Variants in WDR7 observed in about 807,000 individuals in gnomAD.
WDR7 encodes the protein WD repeat-containing protein 7.
Under a neutral mutation model 169.4 loss-of-function variants are expected in WDR7, and 46 were observed. That is an observed-to-expected ratio of 0.27 (90% CI 0.21 to 0.35). The LOEUF (loss-of-function observed/expected upper bound fraction) is 0.35. Among genes scored for constraint, WDR7 ranks in the 10% least tolerant of loss-of-function variants. WDR7 has a pLI of 1.00. For missense variants in WDR7, 1,534 were observed against 1,859.3 expected (o/e 0.83, Z 3.22); for synonymous variants, 612 against 666.8 (o/e 0.92, Z 1.27).
chr18:56,745,054 G>A (rs574878241), intron 14 of WDR7, among the ~76,000 whole-genome samples: 1 of 152,294 alleles, frequency 6.6e-6, no homozygotes, highest in South Asian at 2.1e-4. Flanking sequence ...TGATAAGAAT[G>A]CAGTGCCATC....
At chr18:56,955,842 T>C (rs2047243318) in intron 25 of WDR7, among the ~76,000 whole-genome samples, 1 of 152,170 alleles carries the variant, frequency 6.6e-6, no homozygotes, top group Admixed American at 6.6e-5. Context: ...CACTGAGACA[T>C]AGACAAGTTA....
At position 56,718,153 on chromosome 18, in the gene WDR7, G is replaced by A. The variant is rs766634252; in HGVS notation, c.1768G>A (p.Asp590Asn). Residue 590 changes from aspartate (D) to asparagine (N), a missense_variant, in exon 13 of 28, where the codon GAT (aspartate) becomes AAT (asparagine). Transcript: ENST00000254442. The stretch of plus-strand genomic sequence containing the variant: ...TGGTTCTGTGTACGTCTGGCAAATG[G>A]ATACTGGTAAGAACAAGTATGAAGA... ...SDGSVYVWQM[D>N]TGALDRCVMG... 3 of 1,609,164 alleles carry A rather than the reference G, an allele frequency of 1.9e-6. No homozygotes were observed. Among genetic ancestry groups the A allele is most frequent in the Non-Finnish European group, 1.7e-6 (2 of 1,177,748 alleles).
At chr18:56,940,327 C>T (rs1180867031) in intron 25 of WDR7, among the ~76,000 whole-genome samples, 2 of 152,144 alleles carry the variant, frequency 1.3e-5, no homozygotes, top group Non-Finnish European at 1.5e-5. Flanking sequence ...TATTTCAGCA[C>T]GTGATTGTAC....
chr18:56,915,252 G>T (rs2046609455), intron 21 of WDR7, among the ~76,000 whole-genome samples: 1 of 152,142 alleles, frequency 6.6e-6, no homozygotes, highest in Non-Finnish European at 1.5e-5. Flanking sequence ...TCAAGGATGT[G>T]TATAAAGCAA....
chr18:56,782,211 A>T (rs1445383083), intron 19 of WDR7: 1 of 152,214 alleles, frequency 6.6e-6, no homozygotes, highest in Admixed American at 6.5e-5. Context: ...TTTGCAAAAT[A>T]AAAGCTTTAT....
intron 20 of WDR7, among the ~76,000 whole-genome samples, chr18:56,851,826 G>A (rs2045644821): frequency 6.6e-6 from 1 of 152,150 alleles, no homozygotes; most frequent in Non-Finnish European, 1.5e-5. Flanking sequence ...TTATATAGGT[G>A]CCTTCCCCCA....
chr18:56,796,476 TC>T (rs2044587527), intron 19 of WDR7, among the ~76,000 whole-genome samples: 2 of 152,224 alleles, frequency 1.3e-5, no homozygotes, highest in African/African-American at 4.8e-5. Flanking sequence ...TTTAGAAAAC[TC>T]TACAAAGCCT....
chr18:56,830,716 C>CT (rs1331817427), intron 20 of WDR7, among the ~76,000 whole-genome samples: 3 of 151,994 alleles, frequency 2.0e-5, no homozygotes, highest in Admixed American at 6.6e-5. Flanking sequence ...TCCCAGCACA[C>CT]TTTTTTTTGA....
chr18:56,744,271 A>C (rs1271752873), intron 14 of WDR7, among the ~76,000 whole-genome samples: 18 of 122,966 alleles, frequency 1.5e-4, no homozygotes, highest in African/African-American at 5.2e-4. Flanking sequence ...AAAAAAAAAG[A>C]AAGAGCACAG....
chr18:56,977,079 G>A (rs1334798558), intron 26 of WDR7, among the ~76,000 whole-genome samples: 1 of 152,142 alleles, frequency 6.6e-6, no homozygotes, highest in African/African-American at 2.4e-5. Flanking sequence ...CTGTAAAATA[G>A]GAATAATTTT....
intron 26 of WDR7, among the ~76,000 whole-genome samples, chr18:56,976,602 T>G (rs1179274789): frequency 6.6e-6 from 1 of 152,208 alleles, no homozygotes; most frequent in African/African-American, 2.4e-5. Context: ...CATCTCAGCC[T>G]CTTTGGCAGG....
chr18:56,733,225 T>C (rs781111108), intron 14 of WDR7, among the ~76,000 whole-genome samples: 1 of 152,154 alleles, frequency 6.6e-6, no homozygotes, highest in Non-Finnish European at 1.5e-5. Flanking sequence ...AAAACAATTA[T>C]AGAAGGGAGG....
chr18:56,921,984 G>A (rs902525298), intron 21 of WDR7, among the ~76,000 whole-genome samples: 3 of 152,050 alleles, frequency 2.0e-5, no homozygotes, highest in African/African-American at 7.2e-5. Context: ...TTGTACTTAG[G>A]AAACTTTACC....
In WDR7 at chr18:56,756,979, A is replaced by G. The variant is rs765101483; in HGVS notation, c.2386A>G (p.Thr796Ala). ...KPLTLLEYNL[T>A]MDTAKLFMSC... is the part of the protein sequence containing the mutation. The stretch of plus-strand genomic sequence containing the variant: ...ATTGACCCTATTAGAATATAATTTA[A>G]CTATGGACACTGCAAAGCTGTTTAT... Residue 796 changes from threonine to alanine, a missense_variant, in exon 15 of 28, where the codon ACT (threonine) becomes GCT (alanine). Coordinates refer to ENST00000254442, the MANE Select transcript of WDR7 (RefSeq NM_015285.3). 1 of 1,614,128 alleles carries G rather than the reference A, an allele frequency of 6.2e-7. No homozygotes were observed. The highest frequency in any genetic ancestry group is 8.5e-7 in the Non-Finnish European group (1 of 1,180,014).
chr18:56,861,494 G>T (rs1428280394), intron 20 of WDR7, among the ~76,000 whole-genome samples: 1 of 152,164 alleles, frequency 6.6e-6, no homozygotes, highest in Admixed American at 6.6e-5. Flanking sequence ...GAATTGCTTT[G>T]TCAAGTCTTT....
chr18:56,826,212 A>G (rs974920308), intron 20 of WDR7, among the ~76,000 whole-genome samples: 5 of 152,216 alleles, frequency 3.3e-5, no homozygotes, highest in African/African-American at 1.2e-4. Context: ...ATATCTATAT[A>G]TTACATGAAT....
chr18:56,938,586 C>T lies in WDR7; in HGVS notation c.3885C>T (p.His1295=). The T allele has an allele frequency of 6.2e-7, 1 of 1,613,846 alleles. No homozygotes were observed. Among genetic ancestry groups the T allele is most frequent in the Non-Finnish European group, 8.5e-7 (1 of 1,179,898 alleles). Reference sequence around the variant, plus strand: ...ATACCCAATCACAGCAGAATATGCACACAACAACTCTTGCACGAGCTAAAG... The same window carrying T: ...ATACCCAATCACAGCAGAATATGCATACAACAACTCTTGCACGAGCTAAAG... The part of the protein sequence containing the change: ...AANTQSQQNM[H]TTTLARAKGE... The change falls in exon 24 of 28, where the codon CAC becomes CAT. Residue 1295 remains histidine (H), a synonymous_variant. Transcript: ENST00000254442.
intron 14 of WDR7, among the ~76,000 whole-genome samples, chr18:56,747,414 T>C (rs567863935): frequency 4.0e-4 from 61 of 152,318 alleles, no homozygotes; most frequent in African/African-American, 1.4e-3. Context: ...ATACTCTTGA[T>C]TGATTGATTC....
At chr18:56,800,439 T>C (rs1042802274) in intron 19 of WDR7, among the ~76,000 whole-genome samples, 4 of 152,222 alleles carry the variant, frequency 2.6e-5, no homozygotes, top group African/African-American at 9.6e-5. Context: ...CTCTGAAGCT[T>C]GCCATTTTAC....
Sources: gnomAD v4.1 joint callset for allele counts (sites outside exome capture counted in the v4.1 genomes callset) on GRCh38, gnomAD v4.1.1 for gene constraint, MANE v1.5 for transcripts, NCBI Gene and HGNC (gene_info 2026-07-23, HGNC 2026-07-21) for gene names.